Variants in CTSV observed in about 807,000 individuals in gnomAD.
The protein encoded by CTSV is cathepsin V.
Under a neutral mutation model 35.6 loss-of-function variants are expected in CTSV, and 33 were observed. The ratio of observed to expected loss-of-function variants is 0.93; its 90% CI spans 0.70 to 1.24. The LOEUF is 1.24. Among genes scored for constraint, CTSV ranks in the 50% most tolerant of loss-of-function variants. CTSV has a pLI of 0.00. For missense variants in CTSV, 408 were observed against 413.1 expected, an observed-to-expected ratio of 0.99 and a Z score of 0.11; for synonymous variants, 154 against 147.1, an observed-to-expected ratio of 1.05 and a Z score of -0.34.
chr9:97,039,406 A>G (rs1335674692), upstream of CTSV: 1 of 152,306 alleles, frequency 6.6e-6, no homozygotes, highest in Non-Finnish European at 1.5e-5. Context: ...TCTACTGACT[A>G]TCCCGACTTA....
rs1381360898 is a variant in CTSV at position 97,031,874 on chromosome 9, G to A, written c.*1075C>T. ...TTTGCTAACACTAGTTAACAAATAA[G>A]CTTTTCTAGAAGAGCTAGGTGGAAT... On this transcript the variant is annotated 3_prime_UTR_variant, in exon 8 of 8. Transcript: ENST00000259470. 6.6e-6 allele frequency: 1 copy of A among 152,200 alleles called. No individual in the cohort carries two copies. Among genetic ancestry groups the A allele is most frequent in the South Asian group, 2.1e-4 (1 of 4,834 alleles). The allele number at this position is 152,200 out of a possible 1,614,324, so 9.4% of individuals were successfully genotyped here. A position where few individuals can be genotyped will look rare whatever the true frequency, so the allele number is the denominator to read the frequency against.
rs1312607734 is a variant in CTSV, at chr9:97,031,092, A to T, written c.*1857T>A. On this transcript the variant is annotated 3_prime_UTR_variant, in exon 8 of 8. Transcript: ENST00000259470. ...GGGGTGCTGTTTTGACAGATTTGAA[A>T]TTTTTTTATTTGAATAAAAAGCCAT... The T allele has an allele frequency of 2.0e-5, 3 of 152,150 alleles. No individual in the cohort carries two copies. The highest frequency in any genetic ancestry group is 4.1e-4 in the South Asian group (2 of 4,824). The allele number at this position is 152,150 out of a possible 1,614,324, so 9.4% of individuals were successfully genotyped here.
In CTSV at chr9:97,031,829, T is replaced by A. The variant is rs1219258986; in HGVS notation, c.*1120A>T. On this transcript the variant is annotated 3_prime_UTR_variant, in exon 8 of 8. Transcript: ENST00000259470. Reference sequence around the variant, plus strand: ...CAGCTACTGTCAAATGCCTGAGATTTGTTAACCACACCATTTATTTTTGCT... The same window carrying A: ...CAGCTACTGTCAAATGCCTGAGATTAGTTAACCACACCATTTATTTTTGCT... 2 of 152,234 alleles carry A rather than the reference T, an allele frequency of 1.3e-5. No homozygotes were observed. Among genetic ancestry groups the A allele is most frequent in the Non-Finnish European group, 1.5e-5 (1 of 68,048 alleles). 9.4% of individuals were successfully genotyped at this position (152,234 alleles called of 1,614,324 possible).
At chr9:97,037,169 G>C (rs1828867303) in intron 4 of CTSV, 83 bp downstream of exon 4, 1 of 1,420,848 alleles carries the variant, frequency 7.0e-7, no homozygotes, top group South Asian at 1.3e-5. Context: ...ACCATATGTT[G>C]TGCCACCATC....
chr9:97,037,423 T>C (rs1828873017), intron 3 of CTSV, 25 bp from the exon 4 acceptor site: 6 of 1,613,828 alleles, frequency 3.7e-6, no homozygotes, highest in Non-Finnish European at 5.1e-6. Flanking sequence ...AAATAAAATG[T>C]TAAAAGCAAG....
intron 1 of CTSV, chr9:97,038,660 C>G (rs976377562): frequency 1.0e-4 from 16 of 152,522 alleles, no homozygotes; most frequent in African/African-American, 3.9e-4. Flanking sequence ...CCAGGGGCCC[C>G]AGGGCCAGGG....
chr9:97,030,552 A>G lies in CTSV; in HGVS notation c.*2397T>C, dbSNP rs1828724850. Reference sequence around the variant, plus strand: ...AAATCAGGGGACTCACAGCTTTCAGAGCTGAGAGCCCCGAACAGAGATTTA... The same window carrying G: ...AAATCAGGGGACTCACAGCTTTCAGGGCTGAGAGCCCCGAACAGAGATTTA... On this transcript the variant is annotated 3_prime_UTR_variant, in exon 8 of 8. Coordinates refer to ENST00000259470, the MANE Select transcript of CTSV (RefSeq NM_001333.4). 1 of 152,198 alleles carries G rather than the reference A, an allele frequency of 6.6e-6. No homozygotes were observed. Among genetic ancestry groups the G allele is most frequent in the Non-Finnish European group, 1.5e-5 (1 of 68,038 alleles). 9.4% of individuals were successfully genotyped at this position (152,198 alleles called of 1,614,324 possible). A position where few individuals can be genotyped will look rare whatever the true frequency, so the allele number is the denominator to read the frequency against.
rs772489481 is a variant in CTSV at position 97,035,595 on chromosome 9, G to A, written c.720C>T (p.Val240=). Residue 240 remains valine, a synonymous_variant, in exon 6 of 8, where the codon GTC becomes GTT. Transcript: ENST00000259470. ...CAACGGAGATGGGCCCCACAGTTGC[G>A]ACTGCTTTCATCAGGGCCTTCTCCT... is the stretch of plus-strand genomic sequence containing the variant. ...PGKEKALMKA[V]ATVGPISVAM... 6.2e-6 allele frequency: 10 copies of A among 1,604,820 alleles called. No individual in the cohort carries two copies. Among genetic ancestry groups the A allele is most frequent in the South Asian group, 2.2e-5 (2 of 89,698 alleles).
rs144473828 is a variant in CTSV, at chr9:97,035,709, G to A, written c.622-16C>T. The A allele has an allele frequency of 1.4e-6, 2 of 1,451,102 alleles. No homozygotes were observed. Among genetic ancestry groups the A allele is most frequent in the Admixed American group, 2.3e-5 (1 of 44,372 alleles). The allele number at this position is 1,451,102 out of a possible 1,614,324, so 89.9% of individuals were successfully genotyped here. A position where few individuals can be genotyped will look rare whatever the true frequency, so the allele number is the denominator to read the frequency against. Reference sequence around the variant, plus strand: ...AGATTTCATCCTTTTAAAGTTAAAGGGGGAGAGACTTGATCACTACCATCT... The same window carrying A: ...AGATTTCATCCTTTTAAAGTTAAAGAGGGAGAGACTTGATCACTACCATCT... On this transcript the variant is annotated splice_polypyrimidine_tract_variant and intron_variant, in intron 5 of 7. Transcript: ENST00000259470.
rs749343314 is a variant in CTSV, at chr9:97,035,505, T to G, written c.787+23A>C. On this transcript the variant is annotated intron_variant, in intron 6 of 7. Coordinates refer to ENST00000259470, the MANE Select transcript of CTSV (RefSeq NM_001333.4). ...TGATGCTTCCCAATTCTGCCTAAATTTCTATAATAAAATGACACTTACCTG... is the reference window on the plus strand; with the variant it reads ...TGATGCTTCCCAATTCTGCCTAAATGTCTATAATAAAATGACACTTACCTG... 10 of 1,454,134 alleles carry G rather than the reference T, an allele frequency of 6.9e-6. No homozygotes were observed. The Admixed American group carries it at 1.2e-4, about 17-fold the overall frequency. 90.1% of individuals were successfully genotyped at this position (1,454,134 alleles called of 1,614,324 possible). A position where few individuals can be genotyped will look rare whatever the true frequency, so the allele number is the denominator to read the frequency against.
Position 97,032,998 on chromosome 9 carries a change from T to C in CTSV, c.956A>G (p.Lys319Arg), listed in dbSNP as rs147989421. 9 of 1,613,792 alleles carry C rather than the reference T, an allele frequency of 5.6e-6. No individual in the cohort carries two copies. Among genetic ancestry groups the C allele is most frequent in the African/African-American group, 5.3e-5 (4 of 75,036 alleles). The change falls in exon 8 of 8, where the codon AAG becomes AGG. Residue 319 changes from lysine to arginine, a missense_variant. Coordinates refer to ENST00000259470, the MANE Select transcript of CTSV (RefSeq NM_001333.4). ...SNGYVKIAKD[K>R]NNHCGIATAA... is the part of the protein sequence containing the mutation. ...TGTGGCGATTCCACAGTGGTTGTTC[T>C]TGTCTTTGGCTATTTTTACATAGCC...
intron 4 of CTSV, among the ~76,000 whole-genome samples, chr9:97,037,006 T>C (rs912644559): frequency 4.0e-5 from 6 of 151,482 alleles, no homozygotes; most frequent in African/African-American, 1.2e-4. Context: ...ACTCGGGAGG[T>C]GGAGGCAGGA....
At position 97,036,506 on chromosome 9, in the gene CTSV, T is replaced by C. The variant is rs761870401; in HGVS notation, c.621+17A>G. On this transcript the variant is annotated intron_variant, in intron 5 of 7. Transcript: ENST00000259470. ...CAAAAGCAGAGCACGAATGACAAGA[T>C]AAGGAGCTCCATTTACCACTGCTAC... The C allele has an allele frequency of 2.5e-6, 4 of 1,572,476 alleles. No homozygotes were observed. The highest frequency in any genetic ancestry group is 3.5e-6 in the Non-Finnish European group (4 of 1,142,176).
At chr9:97,034,928 C>T in intron 6 of CTSV, 85 bp from the exon 7 acceptor site, 1 of 979,840 alleles carries the variant, frequency 1.0e-6, no homozygotes, top group Non-Finnish European at 1.6e-6. Context: ...ATAAGGGAGG[C>T]ATCTCTAAAT....
In CTSV at chr9:97,030,804, C is replaced by CGGTAAACCGCAT. The variant is rs1828731766; in HGVS notation, c.*2144_*2145insATGCGGTTTACC. ...GTCCAGGTGTTCCTTGCTCTCATTCCGGTAAACCTTCAGCATGGCGTCATG... is the reference window on the plus strand; with the variant it reads ...GTCCAGGTGTTCCTTGCTCTCATTCCGGTAAACCGCATGGTAAACCTTCAGCATGGCGTCATG... On this transcript the variant is annotated 3_prime_UTR_variant, in exon 8 of 8. Transcript: ENST00000259470. 6.6e-6 allele frequency: 1 copy of CGGTAAACCGCAT among 152,128 alleles called. No homozygotes were observed. The highest frequency in any genetic ancestry group is 1.5e-5 in the Non-Finnish European group (1 of 68,026). 9.4% of individuals were successfully genotyped at this position (152,128 alleles called of 1,614,324 possible). A position where few individuals can be genotyped will look rare whatever the true frequency, so the allele number is the denominator to read the frequency against.
At chr9:97,039,373 G>C (rs1828918345), upstream of CTSV, 1 of 152,812 alleles carries the variant, frequency 6.5e-6, no homozygotes, top group African/African-American at 2.4e-5. Flanking sequence ...AGGAGGGGGA[G>C]GCGCCTCCCT....
In CTSV at chr9:97,037,936, G is replaced by A. The variant is rs1323680703; in HGVS notation, c.108C>T (p.His36=). ...TACCAACCGCGCCATATAATCTTCTGTGTGTTGCCTTCCACTGGTACCACT... is the reference window on the plus strand; with the variant it reads ...TACCAACCGCGCCATATAATCTTCTATGTGTTGCCTTCCACTGGTACCACT... ...DTKWYQWKAT[H]RRLYGANEEG... is the part of the protein sequence containing the mutation. Residue 36 remains histidine (H), a synonymous_variant, in exon 2 of 8, where the codon CAC becomes CAT. Transcript: ENST00000259470. 4.3e-5 allele frequency: 69 copies of A among 1,614,088 alleles called. No individual in the cohort carries two copies. The highest frequency in any genetic ancestry group is 5.7e-5 in the Non-Finnish European group (67 of 1,180,010).
rs1320732604 is a variant in CTSV at position 97,037,487 on chromosome 9, A to G, written c.249+6T>C. The stretch of plus-strand genomic sequence containing the variant: ...CACAGAGTTCAGCAATCCTTGCCAC[A>G]CTCACCATGTCACCAAAAGCATTCA... On this transcript the variant is annotated splice_donor_region_variant and intron_variant, in intron 3 of 7. Transcript: ENST00000259470. 6.2e-7 allele frequency: 1 copy of G among 1,614,120 alleles called. No individual in the cohort carries two copies. Among genetic ancestry groups the G allele is most frequent in the Non-Finnish European group, 8.5e-7 (1 of 1,180,006 alleles).
Position 97,032,115 on chromosome 9 carries a change from A to C in CTSV, c.*834T>G, listed in dbSNP as rs1489135769. 2 of 152,234 alleles carry C rather than the reference A, an allele frequency of 1.3e-5. No individual in the cohort carries two copies. The highest frequency in any genetic ancestry group is 2.9e-5 in the Non-Finnish European group (2 of 68,050). 9.4% of individuals were successfully genotyped at this position (152,234 alleles called of 1,614,324 possible). On this transcript the variant is annotated 3_prime_UTR_variant, in exon 8 of 8. Transcript: ENST00000259470. The stretch of plus-strand genomic sequence containing the variant: ...AAGTCAACTGCTTTCTTCTTTACTA[A>C]AACAATTTAGGGGCTGGGCGCAGTG...
Sources: allele counts gnomAD v4.1 joint callset (sites outside exome capture counted in the v4.1 genomes callset), GRCh38; gene constraint gnomAD v4.1.1; transcripts MANE v1.5; gene names NCBI Gene and HGNC (gene_info 2026-07-23, HGNC 2026-07-21).